The following GPC5 variants were observed in gnomAD, a reference collection of about 807,000 sequenced individuals.
GPC5 encodes the protein glypican-5.
Under a neutral mutation model 53.9 loss-of-function variants are expected in GPC5, and 47 were observed. That is an observed-to-expected ratio of 0.87 (90% CI 0.69 to 1.11). GPC5 has a LOEUF of 1.11. GPC5 is among the 50% of genes most tolerant of loss of function. The pLI, the probability that GPC5 is intolerant of heterozygous loss-of-function variation, is 0.00. For synonymous variants in GPC5, 286 were observed against 263.3 expected (o/e 1.09, Z -0.84); for missense variants, 748 against 713.1 (o/e 1.05, Z -0.56).
intron 2 of GPC5, among the ~76,000 whole-genome samples, chr13:91,646,902 A>G (rs1230690272): frequency 6.6e-6 from 1 of 152,216 alleles, no homozygotes; most frequent in Non-Finnish European, 1.5e-5. Flanking sequence ...AAGCTTCTGT[A>G]ATTCAAGTTA....
intron 5 of GPC5, among the ~76,000 whole-genome samples, chr13:91,785,059 T>C (rs1278639092): frequency 3.9e-5 from 6 of 152,240 alleles, no homozygotes; most frequent in Admixed American, 3.9e-4. Flanking sequence ...CTACACGGAT[T>C]CCACATTCTC....
intron 6 of GPC5, among the ~76,000 whole-genome samples, chr13:92,060,311 T>C (rs2041112426): frequency 6.6e-6 from 1 of 152,110 alleles, no homozygotes; most frequent in Non-Finnish European, 1.5e-5. Context: ...TAATTCATTC[T>C]ACCTTTGAAA....
intron 7 of GPC5, among the ~76,000 whole-genome samples, chr13:92,519,956 G>A (rs188416767): frequency 0.021 from 3,194 of 152,094 alleles, 45 homozygotes; most frequent in Middle Eastern, 0.045. Flanking sequence ...TATCACCACC[G>A]ATCCCACAGA....
intron 1 of GPC5, among the ~76,000 whole-genome samples, chr13:91,401,341 C>T (rs1365976614): frequency 6.7e-6 from 1 of 149,992 alleles, no homozygotes; most frequent in East Asian, 1.9e-4. Context: ...CCAAACATAC[C>T]ACATGCTTAA....
intron 7 of GPC5, among the ~76,000 whole-genome samples, chr13:92,457,292 T>G (rs904041143): frequency 6.6e-6 from 1 of 152,216 alleles, no homozygotes; most frequent in Middle Eastern, 3.4e-3. Context: ...TGGTGAATAG[T>G]GCTGTGATGA....
At chr13:92,670,491 A>T (rs1751976990) in intron 7 of GPC5, among the ~76,000 whole-genome samples, 1 of 152,190 alleles carries the variant, frequency 6.6e-6, no homozygotes, top group South Asian at 2.1e-4. Flanking sequence ...ATAATTCCAG[A>T]ACTATATATC....
At chr13:91,788,943 G>A (rs1021948572) in intron 5 of GPC5, among the ~76,000 whole-genome samples, 1 of 152,172 alleles carries the variant, frequency 6.6e-6, no homozygotes, top group Admixed American at 6.5e-5. Context: ...GCAGGGCATG[G>A]TGGCTCAGAT....
chr13:92,084,384 G>C (rs1594756836), intron 6 of GPC5, among the ~76,000 whole-genome samples: 2 of 152,174 alleles, frequency 1.3e-5, no homozygotes, highest in East Asian at 3.8e-4. Flanking sequence ...AAAATGGCAA[G>C]AGAAAAAATA....
intron 7 of GPC5, among the ~76,000 whole-genome samples, chr13:92,227,908 T>A (rs531731050): frequency 2.6e-5 from 4 of 152,158 alleles, no homozygotes; most frequent in Admixed American, 2.6e-4. Flanking sequence ...GCCTTACCAA[T>A]ACCATAAATT....
chr13:92,237,333 C>A (rs1052231463), intron 7 of GPC5, among the ~76,000 whole-genome samples: 7 of 152,086 alleles, frequency 4.6e-5, no homozygotes, highest in African/African-American at 1.7e-4. Flanking sequence ...GATCCTCTTG[C>A]CTCAACCTCC....
chr13:92,477,865 G>A (rs1879212756), intron 7 of GPC5, among the ~76,000 whole-genome samples: 2 of 151,986 alleles, frequency 1.3e-5, no homozygotes, highest in Admixed American at 6.6e-5. Context: ...TGCTGTAACC[G>A]GTGTTGTCCA....
chr13:92,740,613 A>C (rs1390461898), intron 7 of GPC5, among the ~76,000 whole-genome samples: 1 of 152,070 alleles, frequency 6.6e-6, no homozygotes, highest in Non-Finnish European at 1.5e-5. Flanking sequence ...TCTTTGTAAT[A>C]GTGCTAAAAT....
At chr13:92,177,642 C>T (rs2042118113) in intron 7 of GPC5, among the ~76,000 whole-genome samples, 1 of 152,094 alleles carries the variant, frequency 6.6e-6, no homozygotes, top group African/African-American at 2.4e-5. Context: ...ATCCCAGAAG[C>T]TTCTGTATTA....
chr13:92,663,854 CACTATATATATA>C (rs1362544531), intron 7 of GPC5, among the ~76,000 whole-genome samples: 2 of 75,310 alleles, frequency 2.7e-5, no homozygotes, highest in African/African-American at 5.1e-5. Context: ...TACACACACA[CACTATATATATA>C]TATATATATA....
chr13:92,247,922 T>C (rs1183095513), intron 7 of GPC5, among the ~76,000 whole-genome samples: 1 of 152,090 alleles, frequency 6.6e-6, no homozygotes, highest in Non-Finnish European at 1.5e-5. Flanking sequence ...CTTTGATAGG[T>C]TCTATGAAAT....
intron 5 of GPC5, among the ~76,000 whole-genome samples, chr13:91,823,954 G>A (rs920893265): frequency 6.6e-6 from 1 of 152,006 alleles, no homozygotes; most frequent in African/African-American, 2.4e-5. Flanking sequence ...TATCAATATG[G>A]TTGGTGTTGT....
intron 6 of GPC5, among the ~76,000 whole-genome samples, chr13:91,944,653 A>G (rs2039958772): frequency 6.6e-6 from 1 of 152,154 alleles, no homozygotes; most frequent in South Asian, 2.1e-4. Flanking sequence ...ATCTATATAA[A>G]TCTATATATG....
chr13:92,831,438 C>T (rs1415427473), intron 7 of GPC5, among the ~76,000 whole-genome samples: 1 of 152,016 alleles, frequency 6.6e-6, no homozygotes, highest in Non-Finnish European at 1.5e-5. Flanking sequence ...AGATTGTAAA[C>T]TCCATTAACT....
At chr13:92,453,533 A>G (rs780964280) in intron 7 of GPC5, among the ~76,000 whole-genome samples, 3 of 152,234 alleles carry the variant, frequency 2.0e-5, no homozygotes, top group Non-Finnish European at 4.4e-5. Flanking sequence ...GTGAAACCAT[A>G]TAAACTATTT....
Sources: gnomAD v4.1 joint callset for allele counts (sites outside exome capture counted in the v4.1 genomes callset) on GRCh38, gnomAD v4.1.1 for gene constraint, MANE v1.5 for transcripts, NCBI Gene and HGNC (gene_info 2026-07-23, HGNC 2026-07-21) for gene names.